Variants in BAZ1A observed in about 807,000 individuals in gnomAD.
BAZ1A encodes bromodomain adjacent to zinc finger domain protein 1A.
BAZ1A carries 50 observed loss-of-function variants against 185.2 expected under a neutral mutation model. That is an observed-to-expected ratio of 0.27 (90% CI 0.22 to 0.34). The LOEUF is 0.34. Among genes scored for constraint, BAZ1A ranks in the 10% least tolerant of loss-of-function variants. The pLI is 1.00. For missense variants in BAZ1A, 1,356 were observed against 1,839.9 expected (o/e 0.74, Z 4.81); for synonymous variants, 571 against 615.6 (o/e 0.93, Z 1.07).
At chr14:34,831,929 G>T (rs141746495) in intron 3 of BAZ1A, among the ~76,000 whole-genome samples, 1 of 152,034 alleles carries the variant, frequency 6.6e-6, no homozygotes, top group African/African-American at 2.4e-5. Context: ...GGGTGCGACA[G>T]ATCACACCTA....
rs114910576 is a variant in BAZ1A at position 34,849,753 on chromosome 14, T to C, written c.392+12291A>G. Among the ~76,000 whole-genome samples the C allele has an allele frequency of 2.2e-3, 327 of 151,788 alleles. 2 individuals carry two copies. Among genetic ancestry groups the C allele is most frequent in the African/African-American group, 7.5e-3 (311 of 41,366 alleles). The stretch of plus-strand genomic sequence containing the variant: ...GTTTTATACCAACCCGCCAGTAGAG[T>C]TTTTTAACTGCTGCTTATTCCAGCT... On this transcript the variant is annotated intron_variant, in intron 3 of 26. Coordinates refer to ENST00000360310, the MANE Select transcript of BAZ1A (RefSeq NM_013448.3).
chr14:34,753,093 T>A lies in BAZ1A; in HGVS notation c.*415A>T, dbSNP rs1310652880. The A allele has an allele frequency of 6.3e-6, 1 of 157,692 alleles. No individual in the cohort carries two copies. 9.8% of individuals were successfully genotyped at this position (157,692 alleles called of 1,614,324 possible). On this transcript the variant is annotated 3_prime_UTR_variant, in exon 27 of 27. Transcript: ENST00000360310. Reference sequence around the variant, plus strand: ...GAAAGAATGTACTCAAACAATTAATTAAGACATAAACACCTTTTCTAAACT... The same window carrying A: ...GAAAGAATGTACTCAAACAATTAATAAAGACATAAACACCTTTTCTAAACT...
At chr14:34,819,479 G>A (rs187325837) in intron 4 of BAZ1A, among the ~76,000 whole-genome samples, 1 of 152,306 alleles carries the variant, frequency 6.6e-6, no homozygotes, top group African/African-American at 2.4e-5. Flanking sequence ...ATTGTATAAT[G>A]TATATAGGCA....
At chr14:34,775,281 T>C (rs1879519363) in intron 18 of BAZ1A, among the ~76,000 whole-genome samples, 1 of 152,170 alleles carries the variant, frequency 6.6e-6, no homozygotes, top group African/African-American at 2.4e-5. Flanking sequence ...CATGGTAACA[T>C]GCCCCTAAAT....
At chr14:34,862,437 T>C (rs1358394412) in intron 2 of BAZ1A, 115 bp from the exon 3 acceptor site, 6 of 1,168,562 alleles carry the variant, frequency 5.1e-6, no homozygotes, top group Non-Finnish European at 7.0e-6. Context: ...CAAAATTTTA[T>C]GTAGACTCAC....
At chr14:34,862,851 C>T (rs759484208) in intron 2 of BAZ1A, among the ~76,000 whole-genome samples, 1 of 151,570 alleles carries the variant, frequency 6.6e-6, no homozygotes, top group African/African-American at 2.4e-5. Flanking sequence ...GCATAGGTTT[C>T]TGGAATGTCA....
intron 3 of BAZ1A, among the ~76,000 whole-genome samples, chr14:34,834,020 C>G (rs981599126): frequency 1.3e-5 from 2 of 152,060 alleles, no homozygotes; most frequent in African/African-American, 2.4e-5. Flanking sequence ...AGAAATAAAC[C>G]AGTGTTTCTC....
chr14:34,759,681 T>TTTA (rs1321938870), intron 24 of BAZ1A, among the ~76,000 whole-genome samples: 23 of 128,192 alleles, frequency 1.8e-4, no homozygotes, highest in African/African-American at 6.3e-4. Context: ...TTATTTATTT[T>TTTA]ATTTAATTTT....
chr14:34,758,581 A>T, intron 25 of BAZ1A, 123 bp downstream of exon 25: 1 of 1,031,810 alleles, frequency 9.7e-7, no homozygotes, highest in Middle Eastern at 2.6e-4. Flanking sequence ...CTGTCTCAGG[A>T]AAAAACAACA....
intron 17 of BAZ1A, among the ~76,000 whole-genome samples, chr14:34,778,041 CTG>C (rs1404104570): frequency 1.3e-5 from 2 of 152,158 alleles, no homozygotes; most frequent in African/African-American, 4.8e-5. Flanking sequence ...GGCATACAAA[CTG>C]TTATTTACTA....
At chr14:34,824,427 A>G (rs2042136297) in intron 4 of BAZ1A, among the ~76,000 whole-genome samples, 1 of 120,934 alleles carries the variant, frequency 8.3e-6, no homozygotes, top group South Asian at 2.6e-4. Context: ...AAAAAAAAAA[A>G]GAAGAGATGT....
rs747113568 is a variant in BAZ1A, at chr14:34,783,138, T to C, written c.2092A>G (p.Thr698Ala). 1 of 1,606,840 alleles carries C rather than the reference T, an allele frequency of 6.2e-7. No individual in the cohort carries two copies. Among genetic ancestry groups the C allele is most frequent in the South Asian group, 1.1e-5 (1 of 90,442 alleles). ...KLKEDEQRNS[T>A]ADISIGEEER... The stretch of plus-strand genomic sequence containing the variant: ...CCATACCCAATAGATATATCTGCCG[T>C]TGAATTTCTTTGCTCATCTTCTTTC... Residue 698 changes from threonine to alanine, a missense_variant, in exon 16 of 27, where the codon ACG becomes GCG. Transcript: ENST00000360310.
Position 34,773,564 on chromosome 14 carries a change from T to G in BAZ1A, c.3152+8A>C. The G allele has an allele frequency of 6.3e-7, 1 of 1,575,496 alleles. No individual in the cohort carries two copies. Among genetic ancestry groups the G allele is most frequent in the Non-Finnish European group, 8.6e-7 (1 of 1,165,756 alleles). On this transcript the variant is annotated splice_region_variant and intron_variant, in intron 20 of 26. Transcript: ENST00000360310. ...AGTAATGGTTACTTTAGAAAAATCT[T>G]TTTGTACCTGTCTTTTACTATGACC...
rs1481176613 is a variant in BAZ1A, at chr14:34,771,491, A to C, written c.3301+20T>G. Reference sequence around the variant, plus strand: ...TACTTATAACACAACTAATATTTTGAAATAAAAACAGATACTTACCAAGTG... The same window carrying C: ...TACTTATAACACAACTAATATTTTGCAATAAAAACAGATACTTACCAAGTG... On this transcript the variant is annotated intron_variant, in intron 21 of 26. Coordinates refer to ENST00000360310, the MANE Select transcript of BAZ1A (RefSeq NM_013448.3). The C allele has an allele frequency of 1.4e-5, 22 of 1,591,952 alleles. No individual in the cohort carries two copies. The highest frequency in any genetic ancestry group is 1.8e-5 in the Non-Finnish European group (21 of 1,172,036).
In BAZ1A at chr14:34,788,025, T is replaced by G. The variant is rs544505378; in HGVS notation, c.1511-1804A>C. Among the ~76,000 whole-genome samples, 27 of 150,100 alleles carry G rather than the reference T, an allele frequency of 1.8e-4. No individual in the cohort carries two copies. In the South Asian group the frequency reaches 5.2e-3, roughly 29 times the overall value. ...CACTTAATCTGGGGTTCATTTTTGT[T>G]TTTTTTTTTTGAAGATGGAGTCTCA... On this transcript the variant is annotated intron_variant, in intron 12 of 26. Coordinates refer to ENST00000360310, the MANE Select transcript of BAZ1A (RefSeq NM_013448.3).
intron 3 of BAZ1A, among the ~76,000 whole-genome samples, chr14:34,857,761 G>A (rs1283295966): frequency 1.3e-5 from 2 of 152,160 alleles, no homozygotes; most frequent in Non-Finnish European, 2.9e-5. Flanking sequence ...ACAGCAGCCA[G>A]AGCAATATTT....
chr14:34,783,700 T>C, intron 15 of BAZ1A, 62 bp downstream of exon 15: 2 of 1,554,172 alleles, frequency 1.3e-6, no homozygotes, highest in Non-Finnish European at 1.7e-6. Flanking sequence ...ATGTGAAATA[T>C]GGTTTTAAAT....
intron 3 of BAZ1A, among the ~76,000 whole-genome samples, chr14:34,837,407 A>ATTT (rs11378657): frequency 6.9e-6 from 1 of 145,882 alleles, no homozygotes; most frequent in Admixed American, 6.8e-5. Flanking sequence ...ACCCCAGCTA[A>ATTT]TTTTTTTTTT....
intron 3 of BAZ1A, among the ~76,000 whole-genome samples, chr14:34,851,332 CAAAAAAAAAA>C (rs71435818): frequency 5.5e-4 from 24 of 43,410 alleles, no homozygotes; most frequent in South Asian, 4.5e-3. Flanking sequence ...GACCCTAGCT[CAAAAAAAAAA>C]AAAAAAAAAA....
Sources: gnomAD v4.1 joint callset for allele counts (sites outside exome capture counted in the v4.1 genomes callset) on GRCh38, gnomAD v4.1.1 for gene constraint, MANE v1.5 for transcripts, NCBI Gene and HGNC (gene_info 2026-07-23, HGNC 2026-07-21) for gene names.